L3MBTL4: variants seen among roughly 807,000 people sequenced by gnomAD.
L3MBTL4 encodes L3MBTL histone methyl-lysine binding protein 4.
L3MBTL4 carries 70 observed loss-of-function variants against 84.5 expected under a neutral mutation model. The ratio of observed to expected loss-of-function variants is 0.83; its 90% CI spans 0.68 to 1.01. L3MBTL4 has a LOEUF of 1.01. Ranked by LOEUF, L3MBTL4 falls within the 50% of genes least tolerant of loss-of-function variation. The probability of loss-of-function intolerance (pLI) is 0.00; values close to 1 mark genes in which losing one functional copy is unlikely to be tolerated. For missense variants in L3MBTL4, 715 were observed against 754.8 expected (o/e 0.95, Z 0.62); for synonymous variants, 274 against 259.8 (o/e 1.05, Z -0.52).
intron 14 of L3MBTL4, among the ~76,000 whole-genome samples, chr18:6,113,199 A>C (rs2059247308): frequency 6.6e-6 from 1 of 152,202 alleles, no homozygotes; most frequent in South Asian, 2.1e-4. Context: ...AAAAACAAAG[A>C]AGATGGACTG....
intron 16 of L3MBTL4, among the ~76,000 whole-genome samples, chr18:5,983,469 A>G (rs1380122931): frequency 1.3e-5 from 2 of 152,160 alleles, no homozygotes; most frequent in African/African-American, 4.8e-5. Flanking sequence ...ATAAAAGGCA[A>G]GCTGCTAACG....
chr18:6,146,747 G>A (rs2042671248), intron 13 of L3MBTL4, among the ~76,000 whole-genome samples: 1 of 152,334 alleles, frequency 6.6e-6, no homozygotes, highest in South Asian at 2.1e-4. Context: ...GAGTGATGAT[G>A]AGAATATTTC....
chr18:6,247,951 T>C (rs1183442781), intron 5 of L3MBTL4, among the ~76,000 whole-genome samples: 2 of 152,114 alleles, frequency 1.3e-5, no homozygotes, highest in South Asian at 4.1e-4. Context: ...CTGGTGATGG[T>C]AGTTTTGATC....
chr18:6,208,396 G>A (rs991926492), intron 12 of L3MBTL4, among the ~76,000 whole-genome samples: 1 of 152,144 alleles, frequency 6.6e-6, no homozygotes, highest in African/African-American at 2.4e-5. Context: ...TAATTTCATT[G>A]TGAAATGCCA....
intron 12 of L3MBTL4, among the ~76,000 whole-genome samples, chr18:6,197,711 C>G (rs991376823): frequency 3.3e-5 from 5 of 152,172 alleles, no homozygotes; most frequent in Admixed American, 1.3e-4. Context: ...CTGGGGCAGC[C>G]TTCGTCTGTG....
chr18:6,288,419 G>T (rs1278410322), intron 4 of L3MBTL4, among the ~76,000 whole-genome samples: 1 of 152,048 alleles, frequency 6.6e-6, no homozygotes, highest in African/African-American at 2.4e-5. Flanking sequence ...AAATTAATTG[G>T]TTTTTAAACT....
intron 4 of L3MBTL4, among the ~76,000 whole-genome samples, chr18:6,268,981 T>C (rs2048751795): frequency 6.6e-6 from 1 of 152,204 alleles, no homozygotes; most frequent in African/African-American, 2.4e-5. Flanking sequence ...AAACTCTGTA[T>C]GTAAACAAAA....
At chr18:6,180,027 T>C (rs922079967) in intron 12 of L3MBTL4, among the ~76,000 whole-genome samples, 1 of 152,142 alleles carries the variant, frequency 6.6e-6, no homozygotes, top group Non-Finnish European at 1.5e-5. Flanking sequence ...GCCAAGATCA[T>C]AAGCCAGTAA....
At chr18:6,294,119 C>T (rs2049987224) in intron 4 of L3MBTL4, among the ~76,000 whole-genome samples, 1 of 151,858 alleles carries the variant, frequency 6.6e-6, no homozygotes, top group South Asian at 2.1e-4. Flanking sequence ...AATAATGTAT[C>T]GGGGGTGATG....
At chr18:6,233,014 G>C (rs553838853) in intron 10 of L3MBTL4, among the ~76,000 whole-genome samples, 20 of 151,948 alleles carry the variant, frequency 1.3e-4, no homozygotes, top group African/African-American at 1.9e-4. Context: ...GCTGGTTCAA[G>C]ATACGCAAAT....
intron 15 of L3MBTL4, among the ~76,000 whole-genome samples, chr18:6,088,827 A>T (rs1438296644): frequency 1.3e-5 from 2 of 152,204 alleles, no homozygotes; most frequent in African/African-American, 4.8e-5. Flanking sequence ...ATCATTAAGG[A>T]ACTATTCCAC....
intron 9 of L3MBTL4, among the ~76,000 whole-genome samples, chr18:6,238,348 A>G (rs931031890): frequency 1.3e-4 from 20 of 152,304 alleles, no homozygotes; most frequent in African/African-American, 4.6e-4. Flanking sequence ...CCTGGCTAAC[A>G]TGGTGAAACC....
chr18:6,182,745 A>T (rs766460840), intron 12 of L3MBTL4, among the ~76,000 whole-genome samples: 2 of 152,142 alleles, frequency 1.3e-5, no homozygotes, highest in Non-Finnish European at 2.9e-5. Flanking sequence ...TCTAGTTTCA[A>T]TCTTCTGCAT....
At chr18:5,981,209 T>C (rs753704026) in intron 16 of L3MBTL4, among the ~76,000 whole-genome samples, 13 of 152,146 alleles carry the variant, frequency 8.5e-5, no homozygotes, top group Non-Finnish European at 1.5e-4. Flanking sequence ...GATTAGAAAA[T>C]ATATGGGTCA....
intron 16 of L3MBTL4, among the ~76,000 whole-genome samples, chr18:6,060,835 A>G (rs1245676556): frequency 2.0e-5 from 3 of 152,038 alleles, no homozygotes; most frequent in African/African-American, 7.2e-5. Context: ...TTTGGTGCTA[A>G]TTTCTTTTTA....
intron 1 of L3MBTL4, chr18:6,397,167 C>A (rs946868001): frequency 6.6e-5 from 10 of 152,128 alleles, no homozygotes; most frequent in Admixed American, 6.5e-4. Flanking sequence ...AAGCACAGAG[C>A]GTGCATGTCA....
chr18:5,981,874 T>C (rs775775581), intron 16 of L3MBTL4, among the ~76,000 whole-genome samples: 4 of 152,088 alleles, frequency 2.6e-5, no homozygotes, highest in Non-Finnish European at 5.9e-5. Context: ...TGTCATCTAT[T>C]ATTCTCTTCT....
At chr18:6,048,418 T>C (rs2056714832) in intron 16 of L3MBTL4, among the ~76,000 whole-genome samples, 2 of 152,134 alleles carry the variant, frequency 1.3e-5, no homozygotes. Context: ...ATAGCCCAAA[T>C]AGCCAGAGTA....
chr18:6,253,923 C>T (rs2048029985), intron 5 of L3MBTL4, among the ~76,000 whole-genome samples: 1 of 152,136 alleles, frequency 6.6e-6, no homozygotes, highest in African/African-American at 2.4e-5. Context: ...TCACAGAAAA[C>T]AGAGAACTTA....
Sources: allele counts gnomAD v4.1 joint callset (sites outside exome capture counted in the v4.1 genomes callset), GRCh38; gene constraint gnomAD v4.1.1; transcripts MANE v1.5; gene names NCBI Gene and HGNC (gene_info 2026-07-23, HGNC 2026-07-21).